The following ALDH5A1 variants were observed in gnomAD, a reference collection of about 807,000 sequenced individuals.
The protein encoded by ALDH5A1 is succinate-semialdehyde dehydrogenase, mitochondrial.
ALDH5A1 carries 33 observed loss-of-function variants against 54.7 expected under a neutral mutation model. The observed-to-expected ratio is 0.60, with a 90% CI of 0.46 to 0.81. ALDH5A1 has a LOEUF of 0.81. Among genes scored for constraint, ALDH5A1 ranks in the 30% least tolerant of loss-of-function variants. The pLI is 0.00. For synonymous variants in ALDH5A1, 294 were observed against 292.7 expected (o/e 1.00, Z -0.05); for missense variants, 657 against 711.0 (o/e 0.92, Z 0.86).
intron 1 of ALDH5A1, among the ~76,000 whole-genome samples, chr6:24,500,553 A>T (rs1302297494): frequency 6.6e-6 from 1 of 152,100 alleles, no homozygotes; most frequent in African/African-American, 2.4e-5. Flanking sequence ...AGGCCAAGGC[A>T]GGAGGATCGC....
Position 24,533,728 on chromosome 6 carries a change from T to TA in ALDH5A1, c.*23dup, listed in dbSNP as rs750959100. On this transcript the variant is annotated 3_prime_UTR_variant, in exon 10 of 10. Coordinates refer to ENST00000357578, the MANE Select transcript of ALDH5A1 (RefSeq NM_001080.3). ...GGGCTTGTAGGATTCTTTGGTTCTT[T>TA]AAAAAAATTTAAAAGGAGACTTATC... The TA allele has an allele frequency of 1.9e-6, 3 of 1,609,374 alleles. No homozygotes were observed. The highest frequency in any genetic ancestry group is 2.6e-6 in the Non-Finnish European group (3 of 1,176,256).
At chr6:24,516,028 T>G (rs1759563445) in intron 5 of ALDH5A1, among the ~76,000 whole-genome samples, 1 of 152,202 alleles carries the variant, frequency 6.6e-6, no homozygotes, top group African/African-American at 2.4e-5. Context: ...TAAAAGTACT[T>G]AGAGAAATGG....
intron 7 of ALDH5A1, among the ~76,000 whole-genome samples, chr6:24,526,965 T>TATA (rs1759819536): frequency 1.3e-4 from 1 of 7,472 alleles, no homozygotes; most frequent in African/African-American, 2.9e-4. Context: ...TATATATATA[T>TATA]GTGTGTGTGT....
In ALDH5A1 at chr6:24,534,132, C is replaced by G. The variant is rs1759993676; in HGVS notation, c.*420C>G. 4.9e-6 allele frequency: 1 copy of G among 202,432 alleles called. No individual in the cohort carries two copies. The highest frequency in any genetic ancestry group is 1.0e-5 in the Non-Finnish European group (1 of 97,726). The allele number at this position is 202,432 out of a possible 1,614,324, so 12.5% of individuals were successfully genotyped here. A position where few individuals can be genotyped will look rare whatever the true frequency, so the allele number is the denominator to read the frequency against. On this transcript the variant is annotated 3_prime_UTR_variant, in exon 10 of 10. Transcript: ENST00000357578. ...CCTTGAAGGAGACCCTTGACTGTGA[C>G]TGGCAGGCAGGTGAGGGGCACAGCA... is the stretch of plus-strand genomic sequence containing the variant.
chr6:24,505,108 G>T, intron 4 of ALDH5A1, 123 bp downstream of exon 4: 1 of 1,009,194 alleles, frequency 9.9e-7, no homozygotes, highest in Non-Finnish European at 1.6e-6. Flanking sequence ...GCATGGTGTT[G>T]TGTATTAATC....
chr6:24,505,073 T>C (rs1759311910), intron 4 of ALDH5A1, 88 bp downstream of exon 4: 1 of 1,388,390 alleles, frequency 7.2e-7, no homozygotes, highest in Admixed American at 1.7e-5. Flanking sequence ...TTTTGGAGCC[T>C]ACTTCTTTGC....
At chr6:24,520,287 T>G (rs1033741817) in intron 5 of ALDH5A1, 114 bp from the exon 6 acceptor site, 2 of 1,165,956 alleles carry the variant, frequency 1.7e-6, no homozygotes, top group Admixed American at 1.7e-5. Context: ...AGTTATCCCA[T>G]GTACACCACT....
intron 7 of ALDH5A1, among the ~76,000 whole-genome samples, chr6:24,526,992 A>C (rs1269841910): frequency 5.9e-5 from 6 of 102,118 alleles, no homozygotes; most frequent in Non-Finnish European, 1.3e-4. Flanking sequence ...ATATATATAT[A>C]TATATATATA....
At chr6:24,508,152 C>CA (rs1759392494) in intron 4 of ALDH5A1, among the ~76,000 whole-genome samples, 1 of 151,862 alleles carries the variant, frequency 6.6e-6, no homozygotes, top group Non-Finnish European at 1.5e-5. Context: ...ATCACAAGCT[C>CA]AAGAGATTGA....
chr6:24,512,954 TG>T (rs1759487474), intron 4 of ALDH5A1, among the ~76,000 whole-genome samples: 1 of 152,246 alleles, frequency 6.6e-6, no homozygotes, highest in East Asian at 1.9e-4. Context: ...CCTCCTAAAA[TG>T]CTGGGATTAC....
Position 24,526,982 on chromosome 6 carries a change from A to ATCTAC in ALDH5A1, c.1174-1014_1174-1013insCTACT, listed in dbSNP as rs1561878724. Among the ~76,000 whole-genome samples the ATCTAC allele has an allele frequency of 2.9e-3, 73 of 25,474 alleles. 1 individual carries two copies. Among genetic ancestry groups the ATCTAC allele is most frequent in the African/African-American group, 4.9e-3 (67 of 13,568 alleles). 16.7% of individuals were successfully genotyped at this position (25,474 alleles called of 152,430 possible). A position where few individuals can be genotyped will look rare whatever the true frequency, so the allele number is the denominator to read the frequency against. On this transcript the variant is annotated intron_variant, in intron 7 of 9. Coordinates refer to ENST00000357578, the MANE Select transcript of ALDH5A1 (RefSeq NM_001080.3). ...TATATATATGTGTGTGTGTATATAT[A>ATCTAC]TATATATATATATATATATATATAT...
intron 4 of ALDH5A1, among the ~76,000 whole-genome samples, chr6:24,510,925 T>G (rs1759446680): frequency 6.6e-6 from 1 of 152,212 alleles, no homozygotes; most frequent in Admixed American, 6.5e-5. Context: ...TCCTGTGAGA[T>G]TTATGCTTTA....
At chr6:24,517,572 A>G (rs1759598853) in intron 5 of ALDH5A1, among the ~76,000 whole-genome samples, 1 of 152,222 alleles carries the variant, frequency 6.6e-6, no homozygotes, top group Admixed American at 6.5e-5. Context: ...CAAGCCAGAG[A>G]AATTTCCAGG....
At chr6:24,514,557 G>A (rs1318205951) in intron 4 of ALDH5A1, among the ~76,000 whole-genome samples, 1 of 151,962 alleles carries the variant, frequency 6.6e-6, no homozygotes, top group Non-Finnish European at 1.5e-5. Flanking sequence ...TGGCTAACAT[G>A]GTGAAAACCG....
chr6:24,527,487 G>A (rs538974700), intron 7 of ALDH5A1, among the ~76,000 whole-genome samples: 20 of 152,230 alleles, frequency 1.3e-4, no homozygotes, highest in South Asian at 8.3e-4. Context: ...CAGGAGAATC[G>A]CTTGAACCTG....
At chr6:24,496,774 TA>T (rs1486069872) in intron 1 of ALDH5A1, among the ~76,000 whole-genome samples, 1 of 152,198 alleles carries the variant, frequency 6.6e-6, no homozygotes, top group Admixed American at 6.5e-5. Flanking sequence ...CTTCTTCTTT[TA>T]AAAACAGGAG....
chr6:24,495,095 T>G lies in ALDH5A1; in HGVS notation c.99T>G (p.Pro33=). The G allele has an allele frequency of 7.6e-7, 1 of 1,317,448 alleles. No individual in the cohort carries two copies. The highest frequency in any genetic ancestry group is 9.6e-7 in the Non-Finnish European group (1 of 1,038,572). 81.6% of individuals were successfully genotyped at this position (1,317,448 alleles called of 1,614,324 possible). A position where few individuals can be genotyped will look rare whatever the true frequency, so the allele number is the denominator to read the frequency against. The change falls in exon 1 of 10, where the codon CCT becomes CCG. Residue 33 remains proline (P), a synonymous_variant. Coordinates refer to ENST00000357578, the MANE Select transcript of ALDH5A1 (RefSeq NM_001080.3). Reference sequence around the variant, plus strand: ...GCCCCCGCGCCGGCGGCCTGGTCCCTGCCTCCGGGCCTGCGCCCGGCCCGG... The same window carrying G: ...GCCCCCGCGCCGGCGGCCTGGTCCCGGCCTCCGGGCCTGCGCCCGGCCCGG... The part of the protein sequence containing the change: ...RLRPRAGGLV[P]ASGPAPGPAQ...
intron 7 of ALDH5A1, among the ~76,000 whole-genome samples, chr6:24,526,153 C>A (rs1258458278): frequency 6.6e-6 from 1 of 152,112 alleles, no homozygotes; most frequent in African/African-American, 2.4e-5. Context: ...CAACCCAGTC[C>A]TTGTGTGTGT....
chr6:24,503,413 G>A lies in ALDH5A1; in HGVS notation c.589G>A (p.Val197Met), dbSNP rs768219929. 6.4e-5 allele frequency: 103 copies of A among 1,613,018 alleles called. No homozygotes were observed. The Middle Eastern group carries it at 6.6e-4, about 10-fold the overall frequency. ...RALVLKQPIG[V>M]AAVITPWNFP... ...CCTGGTCCTCAAGCAGCCCATAGGC[G>A]TGGCTGCAGTCATCACCCCGGTAGG... Residue 197 changes from valine to methionine, a missense_variant, in exon 3 of 10, where the codon GTG becomes ATG. Physicochemically the swap from Val to Met is conservative, Grantham distance 21. Around this residue, in one of 2 missense-constraint regions of ALDH5A1, gnomAD observed 425 missense variants for 516.4 expected, o/e 0.82. Coordinates refer to ENST00000357578, the MANE Select transcript of ALDH5A1 (RefSeq NM_001080.3).
Sources: gnomAD v4.1 joint callset for allele counts (sites outside exome capture counted in the v4.1 genomes callset) on GRCh38, gnomAD v4.1.1 for gene constraint, gnomAD v4.1.1 regional missense constraint, MANE v1.5 for transcripts, NCBI Gene and HGNC (gene_info 2026-07-23, HGNC 2026-07-21) for gene names.